PIBF1: variants seen among roughly 807,000 people sequenced by gnomAD.
PIBF1 encodes progesterone-induced-blocking factor 1.
A neutral mutation model predicts 112.5 loss-of-function variants in PIBF1; 90 were observed. The observed-to-expected ratio is 0.80, with a 90% confidence interval of 0.67 to 0.95. The LOEUF is 0.95. PIBF1 is among the 40% of genes least tolerant of loss of function. The pLI is 0.00. For synonymous variants in PIBF1, 301 were observed against 288.6 expected, an observed-to-expected ratio of 1.04 and a Z score of -0.44; for missense variants, 915 against 852.3, an observed-to-expected ratio of 1.07 and a Z score of -0.92.
At chr13:72,925,540 C>G (rs949404578) in intron 13 of PIBF1, among the ~76,000 whole-genome samples, 4 of 125,500 alleles carry the variant, frequency 3.2e-5, no homozygotes, top group Admixed American at 2.6e-4. Context: ...TTCTTTCTCT[C>G]TCTTTTTTTT....
At chr13:72,883,859 T>C (rs9543157) in intron 10 of PIBF1, among the ~76,000 whole-genome samples, 117,350 of 152,140 alleles carry the variant, frequency 0.77, 45,566 homozygotes, top group South Asian at 0.85. Flanking sequence ...TTTGGGAGGC[T>C]GGGGCGGGAG....
At chr13:72,955,179 TG>T (rs2042408846) in intron 14 of PIBF1, among the ~76,000 whole-genome samples, 1 of 152,250 alleles carries the variant, frequency 6.6e-6, no homozygotes, top group South Asian at 2.1e-4. Flanking sequence ...ATTCATTACA[TG>T]GACAAAACAT....
At chr13:72,963,558 C>T (rs1023233757) in intron 14 of PIBF1, among the ~76,000 whole-genome samples, 2 of 152,110 alleles carry the variant, frequency 1.3e-5, no homozygotes, top group African/African-American at 4.8e-5. Context: ...CGCACCACTG[C>T]ACTCCAGCCT....
At chr13:72,977,128 T>TAA (rs1261291387) in intron 16 of PIBF1, among the ~76,000 whole-genome samples, 18 of 152,338 alleles carry the variant, frequency 1.2e-4, no homozygotes, top group Middle Eastern at 3.4e-3. Flanking sequence ...ATGAACTTTT[T>TAA]AAAGTTTCTT....
chr13:72,885,114 C>G (rs1023025515), intron 10 of PIBF1, among the ~76,000 whole-genome samples: 1 of 152,074 alleles, frequency 6.6e-6, no homozygotes, highest in South Asian at 2.1e-4. Flanking sequence ...CTTTTGCTCC[C>G]TTTTTTGCAT....
chr13:72,828,133 G>T (rs1047068278), intron 8 of PIBF1, among the ~76,000 whole-genome samples: 2 of 151,464 alleles, frequency 1.3e-5, no homozygotes, highest in East Asian at 1.9e-4. Flanking sequence ...TTTCCCATGT[G>T]CCTTTATTTT....
chr13:72,928,036 T>TACATATATACATATATATACATATATAG (rs1324470736), intron 13 of PIBF1, among the ~76,000 whole-genome samples: 1 of 137,820 alleles, frequency 7.3e-6, no homozygotes. Flanking sequence ...CATATATATA[T>TACATATATACATATATATACATATATAG]ATATATATAC....
intron 11 of PIBF1, among the ~76,000 whole-genome samples, chr13:72,900,602 A>G (rs1041081783): frequency 1.3e-5 from 2 of 152,250 alleles, no homozygotes; most frequent in African/African-American, 2.4e-5. Flanking sequence ...AGTCAACTCA[A>G]GATGGATAAA....
At position 73,012,074 on chromosome 13, in the gene PIBF1, G is replaced by A. The variant is rs542081022; in HGVS notation, c.2224-3795G>A. Among the ~76,000 whole-genome samples the A allele has an allele frequency of 3.9e-5, 6 of 152,252 alleles. No homozygotes were observed. In the South Asian group the frequency reaches 1.0e-3, roughly 26 times the overall value. ...ATAACAGAAACGACAAATGCTGGCC[G>A]GGTGCAGTGGCTCACACCTGTAATC... On this transcript the variant is annotated intron_variant, in intron 17 of 17. Coordinates refer to ENST00000326291, the MANE Select transcript of PIBF1 (RefSeq NM_006346.4).
intron 14 of PIBF1, among the ~76,000 whole-genome samples, chr13:72,942,138 C>T (rs1429994002): frequency 1.3e-5 from 2 of 151,906 alleles, no homozygotes; most frequent in South Asian, 4.2e-4. Context: ...GTCTGTGGCA[C>T]ATACAACTCA....
At position 72,792,449 on chromosome 13, in the gene PIBF1, T is replaced by C; in HGVS notation, c.255T>C (p.Ile85=). 6.6e-7 allele frequency: 1 copy of C among 1,525,684 alleles called. No homozygotes were observed. Among genetic ancestry groups the C allele is most frequent in the Non-Finnish European group, 8.9e-7 (1 of 1,127,332 alleles). 94.5% of individuals were successfully genotyped at this position (1,525,684 alleles called of 1,614,324 possible). A position where few individuals can be genotyped will look rare whatever the true frequency, so the allele number is the denominator to read the frequency against. ...DNLKVDYLTK[I]EELEEKLNDA... is the part of the protein sequence containing the mutation. ...TTTATCTTTTTCTCTTTACGAAGAT[T>C]GAAGAATTGGAGGAGAAACTTAATG... The change falls in exon 3 of 18, where the codon ATT becomes ATC. Residue 85 remains isoleucine, a splice_region_variant and synonymous_variant. Transcript: ENST00000326291.
rs1250775258 is a variant in PIBF1, at chr13:72,985,345, G to A, written c.2049+11670G>A. 2.2e-5 allele frequency among the ~76,000 whole-genome samples: 3 copies of A among 136,068 alleles called. No homozygotes were observed. In the Admixed American group the frequency reaches 2.5e-4, roughly 11 times the overall value. 89.3% of individuals were successfully genotyped at this position (136,068 alleles called of 152,430 possible). Reference sequence around the variant, plus strand: ...GATCAAGACCATCCTGGCTAACACGGTGAAACCCTGTCTCTACTAAAAATA... The same window carrying A: ...GATCAAGACCATCCTGGCTAACACGATGAAACCCTGTCTCTACTAAAAATA... On this transcript the variant is annotated intron_variant, in intron 16 of 17. Transcript: ENST00000326291.
intron 14 of PIBF1, among the ~76,000 whole-genome samples, chr13:72,961,301 T>C (rs2042600218): frequency 6.6e-6 from 1 of 152,108 alleles, no homozygotes; most frequent in African/African-American, 2.4e-5. Context: ...TTCCACTATA[T>C]CCATCCCACT....
At chr13:72,899,284 A>G (rs1329965188) in intron 11 of PIBF1, among the ~76,000 whole-genome samples, 1 of 152,208 alleles carries the variant, frequency 6.6e-6, no homozygotes, top group Admixed American at 6.5e-5. Flanking sequence ...TAAAGCCAGC[A>G]TCACCCTAAT....
chr13:72,915,750 A>G (rs541528582), intron 12 of PIBF1, among the ~76,000 whole-genome samples: 2 of 152,302 alleles, frequency 1.3e-5, no homozygotes, highest in South Asian at 4.1e-4. Context: ...TTCCTCAGAA[A>G]GCTAATCCTG....
At chr13:72,902,958 C>T (rs1409036722) in intron 11 of PIBF1, among the ~76,000 whole-genome samples, 1 of 151,448 alleles carries the variant, frequency 6.6e-6, no homozygotes, top group African/African-American at 2.4e-5. Context: ...TGCAGTGTCA[C>T]AATCTCGGCT....
chr13:72,973,545 TTATAC>T (rs746983772), intron 15 of PIBF1, 41 bp from the exon 16 acceptor site: 2 of 925,678 alleles, frequency 2.2e-6, no homozygotes, highest in Admixed American at 4.9e-5. Flanking sequence ...TTAACTATAT[TTATAC>T]TAACATAATG....
intron 5 of PIBF1, among the ~76,000 whole-genome samples, chr13:72,817,299 C>T (rs755002282): frequency 1.3e-5 from 2 of 152,168 alleles, no homozygotes; most frequent in Non-Finnish European, 2.9e-5. Context: ...AAATTCATTA[C>T]ATCCATAGTA....
At chr13:72,925,534 TTC>T (rs1201487957) in intron 13 of PIBF1, among the ~76,000 whole-genome samples, 8 of 144,330 alleles carry the variant, frequency 5.5e-5, no homozygotes, top group African/African-American at 1.8e-4. Flanking sequence ...CCTTTTTTCT[TTC>T]TCTCTCTTTT....
Sources: gnomAD v4.1 joint callset for allele counts (sites outside exome capture counted in the v4.1 genomes callset) on GRCh38, gnomAD v4.1.1 for gene constraint, MANE v1.5 for transcripts, NCBI Gene and HGNC (gene_info 2026-07-23, HGNC 2026-07-21) for gene names.